The following MINPP1 variants were observed in gnomAD, a reference collection of about 807,000 sequenced individuals.
The protein encoded by MINPP1 is multiple inositol-polyphosphate phosphatase 1, also known as multiple inositol polyphosphate phosphatase 1.
A neutral mutation model predicts 46.1 loss-of-function variants in MINPP1; 28 were observed. The observed-to-expected ratio is 0.61, with a 90% CI of 0.45 to 0.83. The LOEUF is 0.83. Among genes scored for constraint, MINPP1 ranks in the 40% least tolerant of loss-of-function variants. The pLI, the probability that MINPP1 is intolerant of heterozygous loss-of-function variation, is 0.00. For synonymous variants in MINPP1, 268 were observed against 249.1 expected, an observed-to-expected ratio of 1.08 and a Z score of -0.72; for missense variants, 603 against 610.0, an observed-to-expected ratio of 0.99 and a Z score of 0.12.
intron 4 of MINPP1, among the ~76,000 whole-genome samples, chr10:87,542,125 A>C (rs908741029): frequency 6.6e-6 from 1 of 152,116 alleles, no homozygotes; most frequent in African/African-American, 2.4e-5. Context: ...AGTTTCTTCC[A>C]CCTGTGATCC....
At chr10:87,546,335 T>C (rs1851886068) in intron 4 of MINPP1, among the ~76,000 whole-genome samples, 1 of 152,138 alleles carries the variant, frequency 6.6e-6, no homozygotes, top group African/African-American at 2.4e-5. Context: ...AGCATGCTAG[T>C]GTATTCTAGT....
At chr10:87,533,712 T>C (rs892894100) in intron 4 of MINPP1, among the ~76,000 whole-genome samples, 2 of 152,220 alleles carry the variant, frequency 1.3e-5, no homozygotes, top group African/African-American at 2.4e-5. Context: ...ACCTTTTTTT[T>C]CTACCTTTTT....
chr10:87,528,082 T>C (rs905154184), intron 4 of MINPP1, among the ~76,000 whole-genome samples: 2 of 152,214 alleles, frequency 1.3e-5, no homozygotes, highest in Admixed American at 6.5e-5. Context: ...TTGTGTCTAT[T>C]TGATTCTTCT....
In MINPP1 at chr10:87,505,230, G is replaced by A; in HGVS notation, c.315G>A (p.Leu105=). 1.2e-6 allele frequency: 2 copies of A among 1,612,592 alleles called. No individual in the cohort carries two copies. The highest frequency in any genetic ancestry group is 1.7e-6 in the Non-Finnish European group (2 of 1,179,342). The part of the protein sequence containing the change: ...TVKQIRKLRQ[L]HGLLQARGSR... ...AACAGATCCGCAAGCTGAGGCAGCT[G>A]CACGGGTTGCTGCAGGCCCGCGGGT... Residue 105 remains leucine, a synonymous_variant, in exon 1 of 5, where the codon CTG becomes CTA. Coordinates refer to ENST00000371996, the MANE Select transcript of MINPP1 (RefSeq NM_004897.5). The surrounding 1 kb of genome is among the most constrained non-coding windows in gnomAD (Gnocchi z 4.4).
At position 87,504,935 on chromosome 10, in the gene MINPP1, G is replaced by T. The variant is rs767229680; in HGVS notation, c.20G>T (p.Cys7Phe). MLRAPG[C>F]LLRTSVAPAA... is the part of the protein sequence containing the mutation. ...CCGACGATGCTACGCGCGCCCGGCT[G>T]CCTCCTCCGGACCTCCGTAGCGCCT... is the stretch of plus-strand genomic sequence containing the variant. The change falls in exon 1 of 5, where the codon TGC becomes TTC. Residue 7 changes from cysteine (C) to phenylalanine (F), a missense_variant. Physicochemically the swap from Cys to Phe is radical, Grantham distance 205. Around this residue, in one of 3 missense-constraint regions of MINPP1, gnomAD observed 239 missense variants for 189.4 expected, o/e 1.26. Coordinates refer to ENST00000371996, the MANE Select transcript of MINPP1 (RefSeq NM_004897.5). 1 of 1,611,002 alleles carries T rather than the reference G, an allele frequency of 6.2e-7. No individual in the cohort carries two copies. The highest frequency in any genetic ancestry group is 8.5e-7 in the Non-Finnish European group (1 of 1,179,226).
chr10:87,539,855 C>A (rs1851789245), intron 4 of MINPP1, among the ~76,000 whole-genome samples: 1 of 152,054 alleles, frequency 6.6e-6, no homozygotes, highest in Admixed American at 6.6e-5. Context: ...AAACATTTAC[C>A]TCTTCCTGTA....
chr10:87,547,813 C>T (rs973247509), intron 4 of MINPP1, among the ~76,000 whole-genome samples: 2 of 152,162 alleles, frequency 1.3e-5, no homozygotes, highest in Non-Finnish European at 2.9e-5. Context: ...CTTTTGCTGC[C>T]ACTGTGGCTG....
intron 3 of MINPP1, among the ~76,000 whole-genome samples, chr10:87,519,029 T>G (rs1448775646): frequency 6.6e-6 from 1 of 151,972 alleles, no homozygotes; most frequent in Non-Finnish European, 1.5e-5. Flanking sequence ...GCAGGAAGAT[T>G]AGAGTTCTGC....
At position 87,552,611 on chromosome 10, in the gene MINPP1, T is replaced by C; in HGVS notation, c.*133T>C. ...ATTTCTGTCTTTTCACAGAAAAACATTGGGTTTCTCTCTGGGTTTGGACAT... is the reference window on the plus strand; with the variant it reads ...ATTTCTGTCTTTTCACAGAAAAACACTGGGTTTCTCTCTGGGTTTGGACAT... On this transcript the variant is annotated 3_prime_UTR_variant, in exon 5 of 5. Transcript: ENST00000371996. The C allele has an allele frequency of 3.2e-6, 3 of 931,074 alleles. No homozygotes were observed. Among genetic ancestry groups the C allele is most frequent in the South Asian group, 1.6e-5 (1 of 63,490 alleles). 57.7% of individuals were successfully genotyped at this position (931,074 alleles called of 1,614,324 possible).
At chr10:87,509,434 C>T (rs893165870) in intron 2 of MINPP1, among the ~76,000 whole-genome samples, 1 of 152,146 alleles carries the variant, frequency 6.6e-6, no homozygotes, top group Non-Finnish European at 1.5e-5. Context: ...ACATTGGCAT[C>T]GCCTGTGGAG....
chr10:87,506,605 A>G (rs145337196), intron 1 of MINPP1, among the ~76,000 whole-genome samples: 68 of 152,336 alleles, frequency 4.5e-4, no homozygotes, highest in Non-Finnish European at 7.9e-4. Context: ...TTTCTTAGCC[A>G]TTATGCTATA....
At chr10:87,529,053 A>G (rs552079948) in intron 4 of MINPP1, among the ~76,000 whole-genome samples, 1 of 151,240 alleles carries the variant, frequency 6.6e-6, no homozygotes, top group Non-Finnish European at 1.5e-5. Flanking sequence ...TTTGTTTTCC[A>G]TTTGCTTGGT....
At chr10:87,534,341 G>A (rs1018871108) in intron 4 of MINPP1, among the ~76,000 whole-genome samples, 3 of 152,032 alleles carry the variant, frequency 2.0e-5, no homozygotes, top group African/African-American at 7.2e-5. Context: ...AGGATTACAG[G>A]GGTGAGCCAC....
At chr10:87,525,381 T>C (rs1427309363) in intron 4 of MINPP1, among the ~76,000 whole-genome samples, 1 of 152,250 alleles carries the variant, frequency 6.6e-6, no homozygotes, top group African/African-American at 2.4e-5. Context: ...AATGGAATGA[T>C]ATAATATGTG....
chr10:87,547,578 G>T (rs1198120941), intron 4 of MINPP1, among the ~76,000 whole-genome samples: 1 of 152,120 alleles, frequency 6.6e-6, no homozygotes, highest in Non-Finnish European at 1.5e-5. Context: ...TATACCTGTG[G>T]TTTTGCTTTT....
In MINPP1 at chr10:87,505,389, G is replaced by T; in HGVS notation, c.474G>T (p.Ala158=). Residue 158 remains alanine (A), a synonymous_variant, in exon 1 of 5, where the codon GCG becomes GCT. Transcript: ENST00000371996. This position sits in a 1 kb window ranked among gnomAD's most constrained non-coding sequence, Gnocchi z 4.4. ...EKGRQDMRQL[A]LRLASLFPAL... is the part of the protein sequence containing the mutation. ...GACGGCAGGATATGCGACAGCTGGC[G>T]CTGCGTCTGGCCTCGCTCTTCCCGG... is the stretch of plus-strand genomic sequence containing the variant. The T allele has an allele frequency of 6.2e-7, 1 of 1,613,968 alleles. No homozygotes were observed. Among genetic ancestry groups the T allele is most frequent in the South Asian group, 1.1e-5 (1 of 91,084 alleles).
chr10:87,517,917 C>T (rs1851436189), intron 3 of MINPP1, among the ~76,000 whole-genome samples: 1 of 151,478 alleles, frequency 6.6e-6, no homozygotes, highest in African/African-American at 2.4e-5. Flanking sequence ...TTGCCTCAGC[C>T]TCCCAAACTG....
intron 4 of MINPP1, among the ~76,000 whole-genome samples, chr10:87,539,292 T>C (rs1464599442): frequency 6.6e-6 from 1 of 152,234 alleles, no homozygotes; most frequent in Non-Finnish European, 1.5e-5. Flanking sequence ...AGTGGTTTTG[T>C]CACTTTTTGG....
chr10:87,538,874 C>T (rs1851775033), intron 4 of MINPP1, among the ~76,000 whole-genome samples: 1 of 152,178 alleles, frequency 6.6e-6, no homozygotes, highest in Non-Finnish European at 1.5e-5. Flanking sequence ...TAGCTGAGTA[C>T]ATTTGGGGGG....
Sources: allele counts gnomAD v4.1 joint callset (sites outside exome capture counted in the v4.1 genomes callset), GRCh38; gene constraint gnomAD v4.1.1; regional missense constraint gnomAD v4.1.1; non-coding constraint Gnocchi (gnomAD v3.1); transcripts MANE v1.5; gene names NCBI Gene and HGNC (gene_info 2026-07-23, HGNC 2026-07-21).